The following GATC variants were observed in gnomAD, a reference collection of about 807,000 sequenced individuals.
GATC encodes the protein glutamyl-tRNA amidotransferase subunit C.
In GATC, 11 loss-of-function variants were observed where a neutral mutation model predicts 14.4. The ratio of observed to expected loss-of-function variants is 0.77; its 90% confidence interval spans 0.48 to 1.27. The LOEUF is 1.27. GATC is among the 50% of genes most tolerant of loss of function. The pLI is 0.00. For missense variants in GATC, 204 were observed against 183.0 expected (o/e 1.11, Z -0.66); for synonymous variants, 76 against 79.3 (o/e 0.96, Z 0.22).
chr12:120,454,711 G>A (rs1036326870), intron 2 of GATC, among the ~76,000 whole-genome samples: 18 of 151,946 alleles, frequency 1.2e-4, no homozygotes, highest in African/African-American at 9.6e-5. Flanking sequence ...CACCGCGCCC[G>A]GCCTCTTAGC....
At position 120,451,875 on chromosome 12, in the gene GATC, CTTT is replaced by C. The variant is rs1170221029; in HGVS notation, c.254+5064_254+5066del. ...CAGGGGCTAATAAATTATATAAATT[CTTT>C]TTTTTTTTTTTTTTTTTGAGCTGGA... On this transcript the variant is annotated intron_variant, in intron 2 of 3. Coordinates refer to ENST00000551765, the MANE Select transcript of GATC (RefSeq NM_176818.3). 9.9e-5 allele frequency among the ~76,000 whole-genome samples: 9 copies of C among 90,840 alleles called. No homozygotes were observed. The East Asian group carries it at 2.3e-3, about 24-fold the overall frequency. The allele number at this position is 90,840 out of a possible 152,430, so 59.6% of individuals were successfully genotyped here.
intron 3 of GATC, among the ~76,000 whole-genome samples, chr12:120,457,872 G>C: frequency 6.6e-6 from 1 of 152,072 alleles, no homozygotes; most frequent in East Asian, 1.9e-4. Flanking sequence ...CTCCCAAAAC[G>C]AATCTTATTG....
rs565981652 is a variant in GATC, at chr12:120,455,902, G to A, written c.255-1174G>A. Among the ~76,000 whole-genome samples, 54 of 152,052 alleles carry A rather than the reference G, an allele frequency of 3.6e-4. 1 individual carries two copies. The South Asian group carries it at 0.01, about 29-fold the overall frequency. ...GGGGTTTCACCGTGTTAGCCAGGAT[G>A]GTCTCGATCTCCTGACCTCGTGATC... On this transcript the variant is annotated intron_variant, in intron 2 of 3. Coordinates refer to ENST00000551765, the MANE Select transcript of GATC (RefSeq NM_176818.3).
chr12:120,460,109 C>A lies in GATC; in HGVS notation c.*150C>A. 3.4e-6 allele frequency: 2 copies of A among 581,424 alleles called. No homozygotes were observed. The highest frequency in any genetic ancestry group is 3.2e-5 in the East Asian group (1 of 30,992). The allele number at this position is 581,424 out of a possible 1,614,324, so 36.0% of individuals were successfully genotyped here. Reference sequence around the variant, plus strand: ...TCTTAATAACAGATTCTTCTGAAGACAGAATTGGGAAAGATCTGGCCCCAA... The same window carrying A: ...TCTTAATAACAGATTCTTCTGAAGAAAGAATTGGGAAAGATCTGGCCCCAA... On this transcript the variant is annotated 3_prime_UTR_variant, in exon 4 of 4. Coordinates refer to ENST00000551765, the MANE Select transcript of GATC (RefSeq NM_176818.3).
chr12:120,451,478 A>G (rs1878042922), intron 2 of GATC, among the ~76,000 whole-genome samples: 1 of 150,250 alleles, frequency 6.7e-6, no homozygotes, highest in Non-Finnish European at 1.5e-5. Context: ...GTGGTGTTTC[A>G]CGCCTGTAAT....
At chr12:120,452,730 T>A (rs1332140104) in intron 2 of GATC, among the ~76,000 whole-genome samples, 1 of 152,010 alleles carries the variant, frequency 6.6e-6, no homozygotes, top group African/African-American at 2.4e-5. Context: ...TTTCTCATTC[T>A]GTTGCCCAGG....
At chr12:120,451,876 T>TTTTTTTTTTTTTTTTTTTC (rs1878058739) in intron 2 of GATC, among the ~76,000 whole-genome samples, 1 of 105,678 alleles carries the variant, frequency 9.5e-6, no homozygotes, top group Non-Finnish European at 1.9e-5. Flanking sequence ...ATATAAATTC[T>TTTTTTTTTTTTTTTTTTTC]TTTTTTTTTT....
At chr12:120,459,410 A>T (rs749892585) in intron 3 of GATC, among the ~76,000 whole-genome samples, 3 of 152,194 alleles carry the variant, frequency 2.0e-5, no homozygotes, top group Non-Finnish European at 2.9e-5. Context: ...TCCTTACTGA[A>T]AAAGGTGAAT....
chr12:120,447,883 G>A (rs994781148), intron 2 of GATC, among the ~76,000 whole-genome samples: 13 of 151,224 alleles, frequency 8.6e-5, no homozygotes, highest in Non-Finnish European at 1.8e-4. Context: ...AGCCTCCCAA[G>A]TACAGGACCA....
At chr12:120,456,945 C>T in intron 2 of GATC, 131 bp from the exon 3 acceptor site, 1 of 652,160 alleles carries the variant, frequency 1.5e-6, no homozygotes, top group Non-Finnish European at 2.8e-6. Flanking sequence ...ATCCCAGCTT[C>T]TCTATCTTTG....
chr12:120,459,784 G>A, intron 3 of GATC, 123 bp from the exon 4 acceptor site: 1 of 586,046 alleles, frequency 1.7e-6, no homozygotes, highest in Non-Finnish European at 3.1e-6. Context: ...TGAACCCCAG[G>A]GGGCGGAGCC....
rs1260073140 is a variant in GATC, at chr12:120,462,199, A to G, written c.*2240A>G. On this transcript the variant is annotated 3_prime_UTR_variant, in exon 4 of 4. Transcript: ENST00000551765. ...ACAAAAACAAAAAGAGTAAAGGGGA[A>G]AAAAATCAGAGCCAGAAGAATAAGC... The G allele has an allele frequency of 6.4e-7, 1 of 1,573,686 alleles. No individual in the cohort carries two copies. Among genetic ancestry groups the G allele is most frequent in the Non-Finnish European group, 8.6e-7 (1 of 1,158,036 alleles).
At chr12:120,446,940 A>T (rs1252755425) in intron 2 of GATC, 111 bp downstream of exon 2, 9 of 1,079,914 alleles carry the variant, frequency 8.3e-6, no homozygotes, top group Non-Finnish European at 1.2e-5. Context: ...AGCAAGATTC[A>T]GGAACTTGCC....
chr12:120,450,038 A>G (rs1011640162), intron 2 of GATC, among the ~76,000 whole-genome samples: 1 of 152,240 alleles, frequency 6.6e-6, no homozygotes, highest in Non-Finnish European at 1.5e-5. Context: ...CTGGGATTAC[A>G]GGCATGAGCC....
intron 2 of GATC, among the ~76,000 whole-genome samples, chr12:120,453,509 CT>C (rs1450536873): frequency 3.3e-5 from 5 of 152,076 alleles, no homozygotes; most frequent in Non-Finnish European, 7.4e-5. Flanking sequence ...TTACAGAACC[CT>C]GATTGGGAAA....
chr12:120,449,403 A>G (rs1272477963), intron 2 of GATC, among the ~76,000 whole-genome samples: 1 of 151,062 alleles, frequency 6.6e-6, no homozygotes, highest in Non-Finnish European at 1.5e-5. Flanking sequence ...TTTCCTTATC[A>G]TGTTCTCAGT....
intron 3 of GATC, among the ~76,000 whole-genome samples, chr12:120,457,858 C>T (rs1034253861): frequency 2.0e-5 from 3 of 152,220 alleles, no homozygotes; most frequent in African/African-American, 7.2e-5. Flanking sequence ...CCACCCACCT[C>T]GGCCTCCCAA....
intron 2 of GATC, among the ~76,000 whole-genome samples, chr12:120,453,696 A>G (rs1221831926): frequency 6.6e-6 from 1 of 152,098 alleles, no homozygotes; most frequent in Non-Finnish European, 1.5e-5. Flanking sequence ...CCTGTAATTA[A>G]TAAAGCTAGG....
intron 2 of GATC, among the ~76,000 whole-genome samples, chr12:120,449,089 A>C (rs969160149): frequency 6.6e-6 from 1 of 151,528 alleles, no homozygotes; most frequent in African/African-American, 2.4e-5. Context: ...CAGCCTCCCA[A>C]GTAGCTGGGT....
Sources: gnomAD v4.1 joint callset for allele counts (sites outside exome capture counted in the v4.1 genomes callset) on GRCh38, gnomAD v4.1.1 for gene constraint, MANE v1.5 for transcripts, NCBI Gene and HGNC (gene_info 2026-07-23, HGNC 2026-07-21) for gene names.